Variants in RBMS3 observed in about 807,000 individuals in gnomAD.
RBMS3 encodes RNA binding motif single stranded interacting protein 3.
In RBMS3, 27 loss-of-function variants were observed where a neutral mutation model predicts 66.8. The ratio of observed to expected loss-of-function variants is 0.40; its 90% confidence interval spans 0.30 to 0.56. RBMS3 has a LOEUF of 0.56. Among genes scored for constraint, RBMS3 ranks in the 20% least tolerant of loss-of-function variants. RBMS3 has a pLI of 0.40. For missense variants in RBMS3, 513 were observed against 549.5 expected (o/e 0.93, Z 0.66); for synonymous variants, 188 against 183.0 (o/e 1.03, Z -0.22).
intron 1 of RBMS3, among the ~76,000 whole-genome samples, chr3:29,366,108 A>G (rs922530409): frequency 6.6e-6 from 1 of 152,128 alleles, no homozygotes; most frequent in Non-Finnish European, 1.5e-5. Context: ...ATGCATATAA[A>G]TTTGAGACAG....
intron 2 of RBMS3, among the ~76,000 whole-genome samples, chr3:29,485,003 G>A (rs554414625): frequency 1.2e-4 from 18 of 152,230 alleles, no homozygotes; most frequent in Admixed American, 6.5e-4. Flanking sequence ...TTCAGCAAAA[G>A]GGTTTAAAAA....
chr3:29,750,811 T>C (rs543989469), intron 5 of RBMS3, among the ~76,000 whole-genome samples: 1 of 152,220 alleles, frequency 6.6e-6, no homozygotes, highest in Non-Finnish European at 1.5e-5. Flanking sequence ...ACATACCAAA[T>C]AAGTGTTATA....
chr3:29,310,039 G>A (rs13085234), intron 1 of RBMS3, among the ~76,000 whole-genome samples: 1 of 151,634 alleles, frequency 6.6e-6, no homozygotes, highest in African/African-American at 2.4e-5. Context: ...TGGCAGTGAA[G>A]AATAGGAGAT....
intron 3 of RBMS3, among the ~76,000 whole-genome samples, chr3:29,501,554 G>A (rs545461174): frequency 1.1e-4 from 17 of 152,222 alleles, no homozygotes; most frequent in Non-Finnish European, 1.9e-4. Context: ...GAAGACTTAC[G>A]GTGCTTCTGT....
At chr3:29,829,018 CTTTCT>C (rs2058288919) in intron 6 of RBMS3, among the ~76,000 whole-genome samples, 1 of 46,332 alleles carries the variant, frequency 2.2e-5, no homozygotes, top group Non-Finnish European at 5.6e-5. Context: ...TTCTTTCTTT[CTTTCT>C]TTCTTTCTTT....
At chr3:29,629,503 T>G (rs1161101317) in intron 4 of RBMS3, among the ~76,000 whole-genome samples, 1 of 152,162 alleles carries the variant, frequency 6.6e-6, no homozygotes, top group African/African-American at 2.4e-5. Context: ...ATGTTCTAAG[T>G]GGAGACTGCT....
At chr3:29,339,579 CT>C (rs57824638) in intron 1 of RBMS3, among the ~76,000 whole-genome samples, 58 of 146,594 alleles carry the variant, frequency 4.0e-4, no homozygotes, top group African/African-American at 5.8e-4. Context: ...TAGACTTTAA[CT>C]TTTTTTTTTT....
In RBMS3 at chr3:29,603,805, T is replaced by A. The variant is rs139404788; in HGVS notation, c.399+16600T>A. On this transcript the variant is annotated intron_variant, in intron 4 of 14. Transcript: ENST00000383767. ...GTAAAGAGCTACCTAGAGGTGTACA[T>A]TCAACTGGCCACTATGTTAATACTG... Among the ~76,000 whole-genome samples the A allele has an allele frequency of 2.6e-5, 4 of 152,086 alleles. No individual in the cohort carries two copies. The East Asian group carries it at 7.8e-4, about 29-fold the overall frequency.
intron 4 of RBMS3, among the ~76,000 whole-genome samples, chr3:29,716,652 G>C (rs942941672): frequency 2.0e-5 from 3 of 152,116 alleles, no homozygotes; most frequent in Non-Finnish European, 4.4e-5. Context: ...TATAAGTACA[G>C]TAAAACGAAA....
intron 4 of RBMS3, among the ~76,000 whole-genome samples, chr3:29,597,219 G>A (rs1313381513): frequency 1.3e-5 from 2 of 151,980 alleles, no homozygotes; most frequent in Non-Finnish European, 2.9e-5. Flanking sequence ...ATTATCACAG[G>A]TAGCTATAAT....
chr3:29,446,419 A>G (rs975679796), intron 2 of RBMS3, among the ~76,000 whole-genome samples: 3 of 152,126 alleles, frequency 2.0e-5, no homozygotes, highest in African/African-American at 7.2e-5. Flanking sequence ...TCTTATTTGT[A>G]TATTAACTGA....
intron 3 of RBMS3, among the ~76,000 whole-genome samples, chr3:29,530,319 A>G (rs1277139302): frequency 6.6e-6 from 1 of 152,194 alleles, no homozygotes; most frequent in Admixed American, 6.5e-5. Context: ...AATAATATAA[A>G]CCAAATTTAG....
chr3:29,924,081 C>G (rs2060866189), intron 10 of RBMS3, among the ~76,000 whole-genome samples: 2 of 152,170 alleles, frequency 1.3e-5, no homozygotes, highest in African/African-American at 4.8e-5. Context: ...TATTCTTGCA[C>G]AATACAATTC....
intron 3 of RBMS3, among the ~76,000 whole-genome samples, chr3:29,581,263 G>A (rs1185200141): frequency 6.6e-6 from 1 of 152,150 alleles, no homozygotes; most frequent in Non-Finnish European, 1.5e-5. Flanking sequence ...AAGAAAAGTT[G>A]CAATAAATAT....
chr3:29,724,919 T>C (rs7650350), intron 4 of RBMS3, among the ~76,000 whole-genome samples: 2 of 152,194 alleles, frequency 1.3e-5, no homozygotes, highest in Middle Eastern at 3.4e-3. Flanking sequence ...GCAGAGATCA[T>C]GTCCTATTAC....
intron 3 of RBMS3, among the ~76,000 whole-genome samples, chr3:29,527,551 T>G (rs1053771948): frequency 6.6e-6 from 1 of 152,236 alleles, no homozygotes; most frequent in African/African-American, 2.4e-5. Flanking sequence ...ACACTTTTCA[T>G]GTTCTGCATA....
intron 3 of RBMS3, among the ~76,000 whole-genome samples, chr3:29,510,449 C>A (rs2044351277): frequency 6.6e-6 from 1 of 152,162 alleles, no homozygotes; most frequent in Non-Finnish European, 1.5e-5. Context: ...GGTTCCCTGC[C>A]TAGGTTAGCT....
rs565375504 is a variant in RBMS3 at position 29,914,717 on chromosome 3, C to G, written c.939+14962C>G. Reference sequence around the variant, plus strand: ...GCACTTGATGTTTCCTCTTAGGGAACTGACCACAGTGATAAGTTAGGAAAA... The same window carrying G: ...GCACTTGATGTTTCCTCTTAGGGAAGTGACCACAGTGATAAGTTAGGAAAA... On this transcript the variant is annotated intron_variant, in intron 10 of 14. Transcript: ENST00000383767. Among the ~76,000 whole-genome samples, 54 of 151,936 alleles carry G rather than the reference C, an allele frequency of 3.6e-4. No individual in the cohort carries two copies. The South Asian group carries it at 6.2e-3, about 18-fold the overall frequency.
intron 1 of RBMS3, among the ~76,000 whole-genome samples, chr3:29,342,375 T>C (rs2036326982): frequency 6.6e-6 from 1 of 152,168 alleles, no homozygotes; most frequent in South Asian, 2.1e-4. Flanking sequence ...TTTGATTATA[T>C]TTTTAGCCAG....
Sources: allele counts gnomAD v4.1 joint callset (sites outside exome capture counted in the v4.1 genomes callset), GRCh38; gene constraint gnomAD v4.1.1; transcripts MANE v1.5; gene names NCBI Gene and HGNC (gene_info 2026-07-23, HGNC 2026-07-21).